Variants in EML6 observed in about 807,000 individuals in gnomAD.
EML6 encodes echinoderm microtubule-associated protein-like 6.
A neutral mutation model predicts 240.1 loss-of-function variants in EML6; 154 were observed. The observed-to-expected ratio is 0.64, with a 90% CI of 0.56 to 0.73. The LOEUF (loss-of-function observed/expected upper bound fraction) is 0.73, where lower values mean the gene tolerates loss of function less well. EML6 is among the 30% of genes least tolerant of loss of function. The pLI is 0.00. For missense variants in EML6, 2,964 were observed against 2,474.6 expected, an observed-to-expected ratio of 1.20 and a Z score of -4.20; for synonymous variants, 1,148 against 899.0, an observed-to-expected ratio of 1.28 and a Z score of -4.95.
intron 2 of EML6, among the ~76,000 whole-genome samples, chr2:54,794,554 A>T (rs565642077): frequency 2.0e-5 from 3 of 152,204 alleles, no homozygotes; most frequent in African/African-American, 7.2e-5. Flanking sequence ...GCTTCTGTAA[A>T]CTGGCTCGTC....
intron 17 of EML6, among the ~76,000 whole-genome samples, chr2:54,887,696 A>G (rs1672226313): frequency 6.6e-6 from 1 of 152,188 alleles, no homozygotes; most frequent in African/African-American, 2.4e-5. Context: ...GAACAGGTCC[A>G]GCTTTCTGTT....
At chr2:54,836,164 C>G (rs1465469123) in intron 7 of EML6, among the ~76,000 whole-genome samples, 1 of 152,132 alleles carries the variant, frequency 6.6e-6, no homozygotes, top group African/African-American at 2.4e-5. Context: ...GATGTGGTGT[C>G]ACTGTGTGCG....
chr2:54,867,888 A>G (rs1466431133), intron 14 of EML6: 1 of 152,120 alleles, frequency 6.6e-6, no homozygotes, highest in Non-Finnish European at 1.5e-5. Flanking sequence ...TATGCTTGAG[A>G]GTCCTTTGTC....
intron 4 of EML6, among the ~76,000 whole-genome samples, chr2:54,817,087 G>C (rs1186486017): frequency 6.6e-6 from 1 of 152,078 alleles, no homozygotes; most frequent in Non-Finnish European, 1.5e-5. Context: ...TATATGAATT[G>C]TTAGTGCTTT....
intron 26 of EML6, among the ~76,000 whole-genome samples, chr2:54,917,667 C>G (rs1573138769): frequency 1.3e-5 from 2 of 152,112 alleles, no homozygotes; most frequent in African/African-American, 4.8e-5. Context: ...GGCCTCTTTT[C>G]TTTTTAAATA....
chr2:54,726,749 A>G lies in EML6; in HGVS notation c.197+1491A>G, dbSNP rs189377196. Among the ~76,000 whole-genome samples the G allele has an allele frequency of 2.1e-4, 32 of 152,352 alleles. No individual in the cohort carries two copies. The South Asian group carries it at 4.6e-3, about 22-fold the overall frequency. ...AAGTTACAGGTGCAAATGATTAACA[A>G]TGACTCATGAAAAGGTTAGATGTTT... On this transcript the variant is annotated intron_variant, in intron 2 of 41. Coordinates refer to ENST00000356458, the MANE Select transcript of EML6 (RefSeq NM_001039753.4).
chr2:54,941,011 T>A (rs181746158), intron 28 of EML6, among the ~76,000 whole-genome samples: 1 of 152,234 alleles, frequency 6.6e-6, no homozygotes, highest in Non-Finnish European at 1.5e-5. Flanking sequence ...TAGACAGGTT[T>A]CCTTCAGTCA....
At chr2:54,814,170 G>A (rs1211123524) in intron 3 of EML6, among the ~76,000 whole-genome samples, 13 of 152,110 alleles carry the variant, frequency 8.5e-5, no homozygotes, top group Non-Finnish European at 1.6e-4. Flanking sequence ...ACTTTTATCC[G>A]TTGTGCCCTC....
intron 13 of EML6, among the ~76,000 whole-genome samples, chr2:54,864,653 C>T (rs1336052592): frequency 6.6e-6 from 1 of 152,116 alleles, no homozygotes; most frequent in African/African-American, 2.4e-5. Flanking sequence ...CTGTAAGTGT[C>T]GCCAATAGAG....
At chr2:54,898,989 G>A (rs1043214695) in intron 21 of EML6, among the ~76,000 whole-genome samples, 1 of 152,196 alleles carries the variant, frequency 6.6e-6, no homozygotes, top group Non-Finnish European at 1.5e-5. Flanking sequence ...TTGGTCCAGT[G>A]CTTATTAAGC....
intron 38 of EML6, chr2:54,966,752 C>G (rs114435610): frequency 0.024 from 6,291 of 267,376 alleles, 130 homozygotes; most frequent in South Asian, 0.033. Flanking sequence ...TCGGGAACCA[C>G]ACTCAGAGAA....
intron 21 of EML6, among the ~76,000 whole-genome samples, chr2:54,898,774 A>T (rs1057199817): frequency 7.2e-5 from 11 of 152,364 alleles, no homozygotes; most frequent in Admixed American, 7.2e-4. Flanking sequence ...GCCATTAAAA[A>T]GCCAAAATTC....
intron 26 of EML6, among the ~76,000 whole-genome samples, chr2:54,923,761 AG>A (rs1385809230): frequency 1.3e-5 from 2 of 152,134 alleles, no homozygotes; most frequent in Admixed American, 1.3e-4. Flanking sequence ...TTGCCACCCC[AG>A]GCTGCTTCCT....
chr2:54,887,584 A>G (rs1467990861), intron 17 of EML6, among the ~76,000 whole-genome samples: 1 of 152,190 alleles, frequency 6.6e-6, no homozygotes. Context: ...AATACTGCCC[A>G]TTCTCACATT....
intron 28 of EML6, among the ~76,000 whole-genome samples, chr2:54,930,799 A>T (rs1249076517): frequency 1.3e-5 from 2 of 152,084 alleles, no homozygotes; most frequent in African/African-American, 4.8e-5. Context: ...GGGCCCTGCC[A>T]GGTAGGGTCA....
intron 2 of EML6, among the ~76,000 whole-genome samples, chr2:54,763,834 G>A (rs1668073171): frequency 6.6e-6 from 1 of 152,152 alleles, no homozygotes; most frequent in Non-Finnish European, 1.5e-5. Context: ...GACACTAGGG[G>A]GCACCTTGGC....
chr2:54,790,961 G>A (rs1256540118), intron 2 of EML6, among the ~76,000 whole-genome samples: 1 of 151,718 alleles, frequency 6.6e-6, no homozygotes, highest in South Asian at 2.1e-4. Flanking sequence ...TCCTGACCTC[G>A]TGATCCGCCC....
intron 2 of EML6, among the ~76,000 whole-genome samples, chr2:54,738,586 C>T (rs1253811817): frequency 6.6e-6 from 1 of 152,220 alleles, no homozygotes; most frequent in African/African-American, 2.4e-5. Context: ...ATCCCCACTG[C>T]AAAGGTGACC....
chr2:54,780,464 T>G (rs1558542535), intron 2 of EML6, among the ~76,000 whole-genome samples: 1 of 152,212 alleles, frequency 6.6e-6, no homozygotes, highest in East Asian at 1.9e-4. Flanking sequence ...CATGCTTGCT[T>G]TCTAGAGAGG....
Sources: allele counts gnomAD v4.1 joint callset (sites outside exome capture counted in the v4.1 genomes callset), GRCh38; gene constraint gnomAD v4.1.1; transcripts MANE v1.5; gene names NCBI Gene and HGNC (gene_info 2026-07-23, HGNC 2026-07-21).